Variants in EML1 observed in about 807,000 individuals in gnomAD.
The protein encoded by EML1 is EMAP like 1.
A neutral mutation model predicts 110.4 loss-of-function variants in EML1; 27 were observed. The observed-to-expected ratio is 0.24, with a 90% CI of 0.18 to 0.34. The LOEUF (loss-of-function observed/expected upper bound fraction) is 0.34, where lower values mean the gene tolerates loss of function less well. Ranked by LOEUF, EML1 falls within the 10% of genes least tolerant of loss-of-function variation. The pLI, the probability that EML1 is intolerant of heterozygous loss-of-function variation, is 1.00. For synonymous variants in EML1, 344 were observed against 385.8 expected, an observed-to-expected ratio of 0.89 and a Z score of 1.27; for missense variants, 741 against 1,030.9, an observed-to-expected ratio of 0.72 and a Z score of 3.85.
chr14:99,812,552 A>C (rs759745398), intron 1 of EML1, among the ~76,000 whole-genome samples: 1 of 151,554 alleles, frequency 6.6e-6, no homozygotes, highest in Non-Finnish European at 1.5e-5. Flanking sequence ...CCCCACATGC[A>C]TTGTCCCACG....
intron 1 of EML1, among the ~76,000 whole-genome samples, chr14:99,774,267 G>A (rs2057457950): frequency 6.6e-6 from 1 of 152,186 alleles, no homozygotes; most frequent in Non-Finnish European, 1.5e-5. Flanking sequence ...GCTCTAGAAT[G>A]ACTCTGGTCA....
At chr14:99,926,984 A>G (rs2060246217) in intron 17 of EML1, among the ~76,000 whole-genome samples, 1 of 152,056 alleles carries the variant, frequency 6.6e-6, no homozygotes, top group Non-Finnish European at 1.5e-5. Flanking sequence ...AGCTCAAGCA[A>G]TTCACCCCTG....
chr14:99,936,166 C>T lies in EML1; in HGVS notation c.2007+40C>T, dbSNP rs369435377. On this transcript the variant is annotated intron_variant, in intron 18 of 21. Transcript: ENST00000262233. This position sits in a 1 kb window ranked among gnomAD's most constrained non-coding sequence, Gnocchi z 5.5. ...TGGACCTGTCGCTTCTCATGCACTG[C>T]GTATAGTTTAACTACCGTGGAACAG... 8.7e-6 allele frequency: 14 copies of T among 1,612,004 alleles called. No homozygotes were observed. The highest frequency in any genetic ancestry group is 1.2e-5 in the Non-Finnish European group (14 of 1,178,278).
chr14:99,745,733 A>C (rs2057100649), intron 1 of EML1, among the ~76,000 whole-genome samples: 1 of 152,216 alleles, frequency 6.6e-6, no homozygotes, highest in Non-Finnish European at 1.5e-5. Flanking sequence ...ATCTTTTAGG[A>C]ATCCTGCCTC....
intron 17 of EML1, among the ~76,000 whole-genome samples, chr14:99,934,249 G>A (rs542328392): frequency 3.3e-5 from 5 of 152,228 alleles, no homozygotes; most frequent in Admixed American, 6.5e-5. Flanking sequence ...GGTTTCTGGC[G>A]TGGTCACCTG....
chr14:99,840,884 G>A (rs978471270), intron 1 of EML1, among the ~76,000 whole-genome samples: 11 of 152,190 alleles, frequency 7.2e-5, no homozygotes, highest in Admixed American at 6.5e-4. Flanking sequence ...TACAGTAAGA[G>A]AAAAAGTAAT....
At chr14:99,832,402 G>A (rs937187305) in intron 1 of EML1, among the ~76,000 whole-genome samples, 8 of 152,086 alleles carry the variant, frequency 5.3e-5, no homozygotes, top group Non-Finnish European at 1.0e-4. Flanking sequence ...GGAAATACTT[G>A]GGCATGGAAT....
At chr14:99,874,932 T>G in intron 3 of EML1, 2 of 1,613,074 alleles carry the variant, frequency 1.2e-6, no homozygotes, top group Non-Finnish European at 1.7e-6. Context: ...TATATGTAGA[T>G]TAAACAGATC....
intron 12 of EML1, 119 bp from the exon 13 acceptor site, chr14:99,911,303 T>C (rs2059942113): frequency 1.7e-6 from 2 of 1,180,224 alleles, no homozygotes; most frequent in South Asian, 1.8e-5. Flanking sequence ...TAGATTCATA[T>C]TGCAATGATG....
At chr14:99,920,950 G>A (rs2060120461) in intron 17 of EML1, 73 bp downstream of exon 17, 1 of 1,424,798 alleles carries the variant, frequency 7.0e-7, no homozygotes, top group Non-Finnish European at 9.7e-7. Flanking sequence ...TCCATGTGCA[G>A]GATGTGTCGG....
At chr14:99,935,768 C>T (rs1435996290) in intron 17 of EML1, among the ~76,000 whole-genome samples, 1 of 118,632 alleles carries the variant, frequency 8.4e-6, no homozygotes, top group East Asian at 2.5e-4. Flanking sequence ...GGCGACAGAG[C>T]GAGACTCCGT....
chr14:99,757,686 A>G (rs2057272403), intron 1 of EML1, among the ~76,000 whole-genome samples: 1 of 152,238 alleles, frequency 6.6e-6, no homozygotes, highest in Non-Finnish European at 1.5e-5. Context: ...TTTCATGAGT[A>G]ACATTTTAAT....
intron 1 of EML1, among the ~76,000 whole-genome samples, chr14:99,786,954 T>C (rs539794051): frequency 1.3e-5 from 2 of 152,202 alleles, no homozygotes; most frequent in East Asian, 3.9e-4. Context: ...CAGACAAAAG[T>C]AGGATTGGTG....
chr14:99,901,120 A>C (rs1280385009), intron 9 of EML1, 81 bp downstream of exon 9: 2 of 1,199,394 alleles, frequency 1.7e-6, no homozygotes, highest in Admixed American at 3.4e-5. Flanking sequence ...GGGGGAGTTG[A>C]CACACTCGAT....
intron 1 of EML1, among the ~76,000 whole-genome samples, chr14:99,749,246 A>G (rs539023719): frequency 1.3e-5 from 2 of 152,334 alleles, no homozygotes; most frequent in Admixed American, 1.3e-4. Context: ...GGCTGTTTCC[A>G]GCGGTGGCTG....
intron 1 of EML1, among the ~76,000 whole-genome samples, chr14:99,829,865 A>C (rs2058420358): frequency 6.6e-6 from 1 of 152,242 alleles, no homozygotes; most frequent in South Asian, 2.1e-4. Context: ...TTATATGGAT[A>C]GGTCCCATTT....
At chr14:99,756,097 A>G (rs2057250480) in intron 1 of EML1, among the ~76,000 whole-genome samples, 1 of 152,220 alleles carries the variant, frequency 6.6e-6, no homozygotes, top group Non-Finnish European at 1.5e-5. Context: ...AAATGCAGCC[A>G]AGAAGGGGAG....
At chr14:99,915,755 C>T (rs572103073) in intron 15 of EML1, among the ~76,000 whole-genome samples, 17 of 152,308 alleles carry the variant, frequency 1.1e-4, no homozygotes, top group South Asian at 2.1e-4. Context: ...TGCACTGCAG[C>T]GAATCGGAAG....
At chr14:99,740,356 G>A (rs1445954597) in intron 1 of EML1, among the ~76,000 whole-genome samples, 5 of 152,222 alleles carry the variant, frequency 3.3e-5, no homozygotes, top group Non-Finnish European at 5.9e-5. Context: ...GCACACCCAA[G>A]GAGGGCGAGG....
Sources: allele counts gnomAD v4.1 joint callset (sites outside exome capture counted in the v4.1 genomes callset), GRCh38; gene constraint gnomAD v4.1.1; non-coding constraint Gnocchi (gnomAD v3.1); transcripts MANE v1.5; gene names NCBI Gene and HGNC (gene_info 2026-07-23, HGNC 2026-07-21).